The following TNFRSF25 variants were observed in gnomAD, a reference collection of about 807,000 sequenced individuals.
TNFRSF25 encodes the protein tumor necrosis factor receptor superfamily member 25.
A neutral mutation model predicts 49.4 loss-of-function variants in TNFRSF25; 28 were observed. That is an observed-to-expected ratio of 0.57 (90% confidence interval 0.42 to 0.78). The LOEUF (loss-of-function observed/expected upper bound fraction) is 0.78. TNFRSF25 is among the 30% of genes least tolerant of loss of function. TNFRSF25 has a pLI of 0.00. For missense variants in TNFRSF25, 531 were observed against 581.6 expected (o/e 0.91, Z 0.90); for synonymous variants, 240 against 234.2 (o/e 1.02, Z -0.23).
chr1:6,462,393 T>TG lies in TNFRSF25; in HGVS notation c.745-220dup. ...TCCTTCCTCTTGTCCCCCAGCACCATGGGGCTCTCCTTCCATTGAACTGTT... is the reference window on the plus strand; with the variant it reads ...TCCTTCCTCTTGTCCCCCAGCACCATGGGGGCTCTCCTTCCATTGAACTGTT... On this transcript the variant is annotated intron_variant, in intron 8 of 9. Coordinates refer to ENST00000356876, the MANE Select transcript of TNFRSF25 (RefSeq NM_003790.3). The surrounding 1 kb of genome is among the most constrained non-coding windows in gnomAD (Gnocchi z 4.2). The TG allele has an allele frequency of 8.3e-7, 1 of 1,198,998 alleles. No individual in the cohort carries two copies. Among genetic ancestry groups the TG allele is most frequent in the Non-Finnish European group, 1.1e-6 (1 of 883,540 alleles). 74.3% of individuals were successfully genotyped at this position (1,198,998 alleles called of 1,614,324 possible).
Position 6,462,724 on chromosome 1 carries a change from C to A in TNFRSF25, c.707-58G>T. 1.2e-6 allele frequency: 2 copies of A among 1,602,336 alleles called. No homozygotes were observed. Among genetic ancestry groups the A allele is most frequent in the Admixed American group, 1.7e-5 (1 of 59,058 alleles). ...CAGGCAAGCCTCCTGGACCTGGGTG[C>A]TGGTACAGCTCCTCTAGGGTTCCTC... On this transcript the variant is annotated intron_variant, in intron 7 of 9. Coordinates refer to ENST00000356876, the MANE Select transcript of TNFRSF25 (RefSeq NM_003790.3). The surrounding 1 kb of genome is among the most constrained non-coding windows in gnomAD (Gnocchi z 4.2).
In TNFRSF25 at chr1:6,465,499, T is replaced by C; in HGVS notation, c.101A>G (p.Asp34Gly). Residue 34 changes from aspartate to glycine, a missense_variant, in exon 2 of 10, where the codon GAC (aspartate) becomes GGC (glycine). Coordinates refer to ENST00000356876, the MANE Select transcript of TNFRSF25 (RefSeq NM_003790.3). The part of the protein sequence containing the change: ...AQGGTRSPRC[D>G]CAGDFHKKIG... ...CTTCTTGTGGAAGTCACCGGCACAG[T>C]CACACCTGGGGCTACGAGTGCCGCC... The C allele has an allele frequency of 6.2e-7, 1 of 1,613,860 alleles. No individual in the cohort carries two copies. Among genetic ancestry groups the C allele is most frequent in the Non-Finnish European group, 8.5e-7 (1 of 1,179,970 alleles).
At position 6,465,998 on chromosome 1, in the gene TNFRSF25, GGCCCCTTCCTTCACC is replaced by G. The variant is rs549547399; in HGVS notation, c.39+56_39+70del. 225 of 1,523,988 alleles carry G rather than the reference GGCCCCTTCCTTCACC, an allele frequency of 1.5e-4. No individual in the cohort carries two copies. The African/African-American group carries it at 2.8e-3, about 19-fold the overall frequency. 94.4% of individuals were successfully genotyped at this position (1,523,988 alleles called of 1,614,324 possible). A position where few individuals can be genotyped will look rare whatever the true frequency, so the allele number is the denominator to read the frequency against. ...AGGCTTGGAGTGGAGACGCGCCCGG[GGCCCCTTCCTTCACC>G]GAGGCTCTTGGGACAGGGCTCAAAG... is the stretch of plus-strand genomic sequence containing the variant. On this transcript the variant is annotated intron_variant, in intron 1 of 9. Coordinates refer to ENST00000356876, the MANE Select transcript of TNFRSF25 (RefSeq NM_003790.3).
intron 1 of TNFRSF25, 161 bp from the exon 2 acceptor site, chr1:6,465,721 T>A (rs1412464718): frequency 2.1e-6 from 3 of 1,433,412 alleles, no homozygotes; most frequent in Admixed American, 2.8e-5. Flanking sequence ...GAAACTAACT[T>A]CCTTCCCCCC....
Position 6,464,645 on chromosome 1 carries a change from C to T in TNFRSF25, c.370G>A (p.Glu124Lys). 4.3e-6 allele frequency: 7 copies of T among 1,614,048 alleles called. No homozygotes were observed. Among genetic ancestry groups the T allele is most frequent in the Non-Finnish European group, 5.9e-6 (7 of 1,180,024 alleles). ...RCGCKPGWFV[E>K]CQVSQCVSSS... ...CTGACACATTGGCTGACCTGGCACTCCACAAACCAGCCTGGCTTACAGCCA... is the reference window on the plus strand; with the variant it reads ...CTGACACATTGGCTGACCTGGCACTTCACAAACCAGCCTGGCTTACAGCCA... The change falls in exon 4 of 10, where the codon GAG becomes AAG. Residue 124 changes from glutamate (E) to lysine (K), a missense_variant. By Grantham distance (56) the Glu-to-Lys change is moderately conservative. Transcript: ENST00000356876.
chr1:6,462,903 G>A lies in TNFRSF25; in HGVS notation c.666C>T (p.Tyr222=). 6.2e-7 allele frequency: 1 copy of A among 1,607,472 alleles called. No individual in the cohort carries two copies. The highest frequency in any genetic ancestry group is 8.5e-7 in the Non-Finnish European group (1 of 1,177,022). ...TGTGAGGCCAGCAGTGGCGGTATGT[G>A]TAGGTCAGGGTGGCCCCAAGCAGGA... The part of the protein sequence containing the change: ...VPLLLGATLT[Y]TYRHCWPHKP... The change falls in exon 7 of 10, where the codon TAC becomes TAT. Residue 222 remains tyrosine, a synonymous_variant. Transcript: ENST00000356876. The surrounding 1 kb of genome is among the most constrained non-coding windows in gnomAD (Gnocchi z 4.2).
intron 6 of TNFRSF25, 49 bp downstream of exon 6, chr1:6,463,023 C>T (rs1467285450): frequency 1.9e-6 from 3 of 1,553,996 alleles, no homozygotes; most frequent in South Asian, 1.2e-5. Flanking sequence ...ACCCGCCTCC[C>T]CTCGGTCCAT....
Position 6,461,493 on chromosome 1 carries a change from G to C in TNFRSF25, c.1195C>G (p.Arg399Gly), listed in dbSNP as rs368335002. ...TCCACGCAGCCGTCCAGCCCCATGC[G>C]CTCCAGGGCCGCGTAAACGGCTCCG... ...GLGAVYAALE[R>G]MGLDGCVEDL... Residue 399 changes from arginine (R) to glycine (G), a missense_variant, in exon 10 of 10, where the codon CGC becomes GGC. Physicochemically the swap from Arg to Gly is moderately radical, Grantham distance 125. Coordinates refer to ENST00000356876, the MANE Select transcript of TNFRSF25 (RefSeq NM_003790.3). The surrounding 1 kb of genome is among the most constrained non-coding windows in gnomAD (Gnocchi z 6.3). 3 of 1,587,324 alleles carry C rather than the reference G, an allele frequency of 1.9e-6. No homozygotes were observed. Among genetic ancestry groups the C allele is most frequent in the East Asian group, 4.6e-5 (2 of 43,776 alleles).
At position 6,466,118 on chromosome 1, in the gene TNFRSF25, C is replaced by T. The variant is rs751765502; in HGVS notation, c.-11G>A. ...CGGCCGCTGCTCCATAGCCCTCCGA[C>T]GGGCGCCCAGGGGCTTCCCGGCTCC... On this transcript the variant is annotated 5_prime_UTR_variant, in exon 1 of 10. Transcript: ENST00000356876. 23 of 1,524,622 alleles carry T rather than the reference C, an allele frequency of 1.5e-5. No homozygotes were observed. In the Admixed American group the frequency reaches 2.1e-4, roughly 14 times the overall value. 94.4% of individuals were successfully genotyped at this position (1,524,622 alleles called of 1,614,324 possible). A position where few individuals can be genotyped will look rare whatever the true frequency, so the allele number is the denominator to read the frequency against.
chr1:6,464,939 A>G (rs190952743), intron 3 of TNFRSF25, 149 bp downstream of exon 3: 25 of 1,321,426 alleles, frequency 1.9e-5, no homozygotes, highest in East Asian at 2.3e-5. Context: ...GAGAAGGGGC[A>G]AGGGCACCCT....
intron 2 of TNFRSF25, 95 bp from the exon 3 acceptor site, chr1:6,465,317 C>A: frequency 1.3e-6 from 2 of 1,574,580 alleles, no homozygotes; most frequent in Non-Finnish European, 8.6e-7. Context: ...TTCTCTCCAG[C>A]TCCCTACTTC....
Position 6,466,166 on chromosome 1 carries a change from C to A in TNFRSF25, c.-59G>T. ...TCCGTGCTCTCTGCCCGTCGTGGTT[C>A]CGCCTTCAGCCCCGCGCCCGCAGGG... On this transcript the variant is annotated 5_prime_UTR_variant, in exon 1 of 10. Transcript: ENST00000356876. 1 of 1,366,514 alleles carries A rather than the reference C, an allele frequency of 7.3e-7. No individual in the cohort carries two copies. The highest frequency in any genetic ancestry group is 1.8e-5 in the South Asian group (1 of 56,936). 84.6% of individuals were successfully genotyped at this position (1,366,514 alleles called of 1,614,324 possible).
Position 6,461,296 on chromosome 1 carries a change from G to C in TNFRSF25, c.*138C>G, listed in dbSNP as rs1644164427. On this transcript the variant is annotated 3_prime_UTR_variant, in exon 10 of 10. Coordinates refer to ENST00000356876, the MANE Select transcript of TNFRSF25 (RefSeq NM_003790.3). The surrounding 1 kb of genome is among the most constrained non-coding windows in gnomAD (Gnocchi z 6.3). ...GCTGGAGCGATAGGGGCGAGCAGGG[G>C]TGGGGCCGGCTGGTGCTGCTACGCA... is the stretch of plus-strand genomic sequence containing the variant. 7 of 1,119,244 alleles carry C rather than the reference G, an allele frequency of 6.3e-6. No individual in the cohort carries two copies. In the South Asian group the frequency reaches 9.4e-5, roughly 15 times the overall value. The allele number at this position is 1,119,244 out of a possible 1,614,324, so 69.3% of individuals were successfully genotyped here.
chr1:6,465,995 C>T (rs1233842687), intron 1 of TNFRSF25, 74 bp downstream of exon 1: 5 of 1,521,690 alleles, frequency 3.3e-6, no homozygotes, highest in East Asian at 2.6e-5. Flanking sequence ...GAGACGCGCC[C>T]GGGGCCCCTT....
rs1027313121 is a variant in TNFRSF25 at position 6,464,111 on chromosome 1, C to T, written c.542+264G>A. 3.0e-6 allele frequency: 4 copies of T among 1,349,074 alleles called. No homozygotes were observed. In the South Asian group the frequency reaches 6.3e-5, roughly 21 times the overall value. The allele number at this position is 1,349,074 out of a possible 1,614,324, so 83.6% of individuals were successfully genotyped here. On this transcript the variant is annotated intron_variant, in intron 5 of 9. Transcript: ENST00000356876. Reference sequence around the variant, plus strand: ...GTGACTCTCTGTGTAAGTGACAAATCATCTGTAATATCTGGCTAGGATCGC... The same window carrying T: ...GTGACTCTCTGTGTAAGTGACAAATTATCTGTAATATCTGGCTAGGATCGC...
Position 6,462,130 on chromosome 1 carries a change from T to C in TNFRSF25, c.789A>G (p.Ala263=). Residue 263 remains alanine, a synonymous_variant, in exon 9 of 10, where the codon GCA becomes GCG. Coordinates refer to ENST00000356876, the MANE Select transcript of TNFRSF25 (RefSeq NM_003790.3). This position sits in a 1 kb window ranked among gnomAD's most constrained non-coding sequence, Gnocchi z 4.2. ...AGATCTTCTCACTGCTGTCAGGAGG[T>C]GCTAGAAGGGTGTGGGCGCTGTCCA... The part of the protein sequence containing the change: ...SPLDSAHTLL[A]PPDSSEKICT... 1.2e-6 allele frequency: 2 copies of C among 1,613,310 alleles called. No individual in the cohort carries two copies. Among genetic ancestry groups the C allele is most frequent in the Middle Eastern group, 1.7e-4 (1 of 6,036 alleles).
chr1:6,465,608 C>T (rs1001781995), intron 1 of TNFRSF25, 48 bp from the exon 2 acceptor site: 3 of 1,586,472 alleles, frequency 1.9e-6, no homozygotes, highest in African/African-American at 1.3e-5. Flanking sequence ...CCACGTGGGG[C>T]CTCTCCCTGC....
Position 6,462,862 on chromosome 1 carries a change from C to A in TNFRSF25, c.706+1G>T. 1.2e-6 allele frequency: 2 copies of A among 1,605,658 alleles called. No homozygotes were observed. Among genetic ancestry groups the A allele is most frequent in the African/African-American group, 2.7e-5 (2 of 74,924 alleles). On this transcript the variant is annotated splice_donor_variant, in intron 7 of 9. Coordinates refer to ENST00000356876, the MANE Select transcript of TNFRSF25 (RefSeq NM_003790.3). LOFTEE classifies it high-confidence loss of function. The surrounding 1 kb of genome is among the most constrained non-coding windows in gnomAD (Gnocchi z 4.2). ...GTGCGTGTGTGGGTGTGTGTACTTACCAGTAACCAGGGGCTTGTGAGGCCA... is the reference window on the plus strand; with the variant it reads ...GTGCGTGTGTGGGTGTGTGTACTTAACAGTAACCAGGGGCTTGTGAGGCCA...
At position 6,462,612 on chromosome 1, in the gene TNFRSF25, C is replaced by T. The variant is rs1329533003; in HGVS notation, c.744+17G>A. The T allele has an allele frequency of 6.2e-7, 1 of 1,611,422 alleles. No homozygotes were observed. Among genetic ancestry groups the T allele is most frequent in the South Asian group, 1.1e-5 (1 of 90,652 alleles). The stretch of plus-strand genomic sequence containing the variant: ...AGCTCCAGAAGGCAGCCCAGAATCA[C>T]ACAGTGAGGTTCTTACCGGTGGTGG... On this transcript the variant is annotated intron_variant, in intron 8 of 9. Transcript: ENST00000356876. This position sits in a 1 kb window ranked among gnomAD's most constrained non-coding sequence, Gnocchi z 4.2.
Sources: allele counts gnomAD v4.1 joint callset, GRCh38; gene constraint gnomAD v4.1.1; non-coding constraint Gnocchi (gnomAD v3.1); transcripts MANE v1.5; gene names NCBI Gene and HGNC (gene_info 2026-07-23, HGNC 2026-07-21).